Variants in TAPT1 observed in about 807,000 individuals in gnomAD.
TAPT1 encodes transmembrane anterior posterior transformation 1, also known as transmembrane anterior posterior transformation protein 1 homolog.
TAPT1 carries 28 observed loss-of-function variants against 65.6 expected under a neutral mutation model. The observed-to-expected ratio is 0.43, with a 90% CI of 0.32 to 0.59. The LOEUF is 0.59. Among genes scored for constraint, TAPT1 ranks in the 20% least tolerant of loss-of-function variants. The pLI, the probability that TAPT1 is intolerant of heterozygous loss-of-function variation, is 0.09. For synonymous variants in TAPT1, 278 were observed against 245.2 expected (o/e 1.13, Z -1.25); for missense variants, 563 against 679.9 (o/e 0.83, Z 1.91).
At chr4:16,223,278 T>C (rs1232283533) in intron 1 of TAPT1, among the ~76,000 whole-genome samples, 1 of 152,168 alleles carries the variant, frequency 6.6e-6, no homozygotes, top group Non-Finnish European at 1.5e-5. Flanking sequence ...ACAGAAACTC[T>C]CCTACCTAGG....
intron 1 of TAPT1, among the ~76,000 whole-genome samples, chr4:16,217,433 G>GAC (rs1751003837): frequency 6.6e-6 from 1 of 152,186 alleles, no homozygotes; most frequent in African/African-American, 2.4e-5. Context: ...ATAAAACGGA[G>GAC]TGGCCAAATT....
In TAPT1 at chr4:16,162,759, C is replaced by T. The variant is rs1319304573; in HGVS notation, c.*549G>A. 1.0e-5 allele frequency: 2 copies of T among 199,196 alleles called. No homozygotes were observed. The highest frequency in any genetic ancestry group is 2.4e-5 in the African/African-American group (1 of 42,468). 12.3% of individuals were successfully genotyped at this position (199,196 alleles called of 1,614,324 possible). ...TTCATCATGTCTTATTTAAGGTAGC[C>T]TTTTATTCTGATTAATTAAGATACA... On this transcript the variant is annotated 3_prime_UTR_variant, in exon 14 of 14. Transcript: ENST00000405303.
At chr4:16,215,263 C>T (rs192684189) in intron 1 of TAPT1, among the ~76,000 whole-genome samples, 9 of 152,092 alleles carry the variant, frequency 5.9e-5, no homozygotes, top group South Asian at 2.1e-4. Flanking sequence ...TGCACTCCAG[C>T]GTAGGTGACA....
chr4:16,191,661 G>C, intron 3 of TAPT1, 138 bp from the exon 4 acceptor site: 2 of 962,048 alleles, frequency 2.1e-6, no homozygotes, highest in South Asian at 2.0e-5. Flanking sequence ...CTTCAAACAA[G>C]GGAGGTTAAA....
chr4:16,199,357 A>G (rs1444260719), intron 3 of TAPT1, among the ~76,000 whole-genome samples: 1 of 152,190 alleles, frequency 6.6e-6, no homozygotes, highest in African/African-American at 2.4e-5. Flanking sequence ...TTTAGCTATA[A>G]AACTTTGAAA....
intron 7 of TAPT1, 24 bp from the exon 8 acceptor site, chr4:16,179,681 AGTACT>A: frequency 1.6e-6 from 2 of 1,271,434 alleles, no homozygotes; most frequent in Non-Finnish European, 2.2e-6. Context: ...AATCAACATA[AGTACT>A]GTAGTGTATA....
intron 1 of TAPT1, among the ~76,000 whole-genome samples, chr4:16,218,732 C>T (rs956547572): frequency 3.9e-5 from 6 of 152,186 alleles, no homozygotes; most frequent in East Asian, 1.9e-4. Context: ...CAAAGCATGA[C>T]GCAGTGTCTT....
chr4:16,201,034 C>T (rs1339062267), intron 3 of TAPT1, among the ~76,000 whole-genome samples: 1 of 152,102 alleles, frequency 6.6e-6, no homozygotes, highest in Non-Finnish European at 1.5e-5. Flanking sequence ...TCCTGGAAGG[C>T]AAGTAAGTTA....
intron 3 of TAPT1, among the ~76,000 whole-genome samples, chr4:16,195,881 A>C (rs1434191057): frequency 6.6e-6 from 1 of 152,230 alleles, no homozygotes; most frequent in Non-Finnish European, 1.5e-5. Context: ...ATGTGGCACC[A>C]AAAATGAGCG....
intron 12 of TAPT1, 47 bp downstream of exon 12, chr4:16,170,606 T>A (rs1469002707): frequency 7.1e-7 from 1 of 1,416,604 alleles, no homozygotes; most frequent in Non-Finnish European, 1.0e-6. Flanking sequence ...ACATCTTGCA[T>A]TTATGCTTTA....
chr4:16,186,688 C>A (rs1213628258), intron 6 of TAPT1, 84 bp from the exon 7 acceptor site: 19 of 1,367,306 alleles, frequency 1.4e-5, no homozygotes, highest in Non-Finnish European at 1.9e-5. Context: ...TCCGGGAGAA[C>A]AACATATAGA....
intron 8 of TAPT1, among the ~76,000 whole-genome samples, chr4:16,177,392 A>G (rs1748400698): frequency 6.6e-6 from 1 of 152,166 alleles, no homozygotes; most frequent in Admixed American, 6.5e-5. Flanking sequence ...AAAGATAGGG[A>G]GAAATGCTGA....
At chr4:16,202,193 A>G (rs1750074017) in intron 3 of TAPT1, among the ~76,000 whole-genome samples, 1 of 152,142 alleles carries the variant, frequency 6.6e-6, no homozygotes, top group African/African-American at 2.4e-5. Flanking sequence ...GGTCCTTTCT[A>G]CACTGCTACA....
intron 11 of TAPT1, among the ~76,000 whole-genome samples, chr4:16,171,220 C>T (rs1747970151): frequency 6.6e-6 from 1 of 152,222 alleles, no homozygotes; most frequent in South Asian, 2.1e-4. Context: ...CCCCCAGTAA[C>T]TCACAGGGAA....
At chr4:16,177,014 T>C (rs1443588007) in intron 8 of TAPT1, among the ~76,000 whole-genome samples, 2 of 152,256 alleles carry the variant, frequency 1.3e-5, no homozygotes, top group Non-Finnish European at 2.9e-5. Context: ...GTTAGCCTGA[T>C]ATATTTGCTC....
chr4:16,226,103 G>A, intron 1 of TAPT1, 156 bp downstream of exon 1: 1 of 1,028,520 alleles, frequency 9.7e-7, no homozygotes, highest in Non-Finnish European at 1.2e-6. Flanking sequence ...CGGAGCCTCG[G>A]CAGCCTCGGC....
At chr4:16,179,063 C>G (rs973893994) in intron 8 of TAPT1, 1 of 152,502 alleles carries the variant, frequency 6.6e-6, no homozygotes, top group African/African-American at 2.4e-5. Flanking sequence ...CATACCCAAT[C>G]CATTCTACTG....
chr4:16,161,239 G>GA lies in TAPT1; in HGVS notation c.*2068dup, dbSNP rs1354507400. On this transcript the variant is annotated 3_prime_UTR_variant, in exon 14 of 14. Transcript: ENST00000405303. ...CAAATAAATACTTATTATACAGTGG[G>GA]AAATTCACTCTACCAAATACAATAG... The GA allele has an allele frequency of 1.4e-4, 22 of 152,534 alleles. No homozygotes were observed. The highest frequency in any genetic ancestry group is 1.4e-3 in the Admixed American group (22 of 15,276). The allele number at this position is 152,534 out of a possible 1,614,324, so 9.4% of individuals were successfully genotyped here.
chr4:16,218,552 C>G (rs1751073334), intron 1 of TAPT1, among the ~76,000 whole-genome samples: 1 of 152,200 alleles, frequency 6.6e-6, no homozygotes, highest in African/African-American at 2.4e-5. Flanking sequence ...GTCCTGGTAC[C>G]AGCTGTCTTA....
Sources: allele counts gnomAD v4.1 joint callset (sites outside exome capture counted in the v4.1 genomes callset), GRCh38; gene constraint gnomAD v4.1.1; transcripts MANE v1.5; gene names NCBI Gene and HGNC (gene_info 2026-07-23, HGNC 2026-07-21).